SLC1A7: variants seen among roughly 807,000 people sequenced by gnomAD.
SLC1A7 encodes excitatory amino acid transporter 5.
Under a neutral mutation model 47.7 loss-of-function variants are expected in SLC1A7, and 40 were observed. That is an observed-to-expected ratio of 0.84 (90% CI 0.65 to 1.09). The LOEUF (loss-of-function observed/expected upper bound fraction) is 1.09. Ranked by LOEUF, SLC1A7 falls within the 50% of genes least tolerant of loss-of-function variation. SLC1A7 has a pLI of 0.00. For synonymous variants in SLC1A7, 323 were observed against 325.6 expected, an observed-to-expected ratio of 0.99 and a Z score of 0.09; for missense variants, 746 against 769.5, an observed-to-expected ratio of 0.97 and a Z score of 0.36.
intron 3 of SLC1A7, 134 bp from the exon 4 acceptor site, chr1:53,105,908 A>G: frequency 1.4e-6 from 1 of 719,160 alleles, no homozygotes; most frequent in African/African-American, 1.8e-5. Context: ...CTGCAGTCTC[A>G]CCCACTACAT....
At chr1:53,093,310 A>G (rs1644446489) in intron 6 of SLC1A7, 151 bp downstream of exon 6, 1 of 659,598 alleles carries the variant, frequency 1.5e-6, no homozygotes, top group Non-Finnish European at 2.6e-6. Context: ...TGGGGGACCC[A>G]TGGAAACACA....
chr1:53,090,423 T>A, intron 8 of SLC1A7, 189 bp downstream of exon 8: 1 of 924,010 alleles, frequency 1.1e-6, no homozygotes, highest in Non-Finnish European at 1.6e-6. Context: ...CCGCTCGCCC[T>A]GTGGCCACCA....
At chr1:53,101,682 A>T (rs1055339793) in intron 5 of SLC1A7, among the ~76,000 whole-genome samples, 33 of 145,458 alleles carry the variant, frequency 2.3e-4, no homozygotes, top group African/African-American at 8.6e-4. Flanking sequence ...ACACTCACAA[A>T]CCATGTCTCG....
Position 53,089,899 on chromosome 1 carries a change from C to T in SLC1A7, c.1262G>A (p.Gly421Asp). 6.2e-7 allele frequency: 1 copy of T among 1,613,620 alleles called. No homozygotes were observed. Among genetic ancestry groups the T allele is most frequent in the Non-Finnish European group, 8.5e-7 (1 of 1,179,906 alleles). ...TATAASIGAA[G>D]IPQAGLVTMV... ...GGTGACGAGGCCGGCCTGGGGGATGCCAGCTGCCCCAATGCTGGCTGCAGT... is the reference window on the plus strand; with the variant it reads ...GGTGACGAGGCCGGCCTGGGGGATGTCAGCTGCCCCAATGCTGGCTGCAGT... Residue 421 changes from glycine to aspartate, a missense_variant, in exon 9 of 11, where the codon GGC becomes GAC. Physicochemically the swap from Gly to Asp is moderately conservative, Grantham distance 94 (BLOSUM62 -1). Coordinates refer to ENST00000371494, the MANE Select transcript of SLC1A7 (RefSeq NM_006671.6).
At position 53,105,739 on chromosome 1, in the gene SLC1A7, A is replaced by G; in HGVS notation, c.467T>C (p.Phe156Ser). ...MFPANLVEATFKQYRTKTTPV... is the reference protein window; with the variant it reads ...MFPANLVEATSKQYRTKTTPV... ...GCCCAGAGACTCACTCACCTGTTTG[A>G]ATGTGGCTTCTACTAGGTTGGCTGG... The change falls in exon 4 of 11, where the codon TTC becomes TCC. Residue 156 changes from phenylalanine to serine, a missense_variant. Physicochemically the swap from Phe to Ser is radical, Grantham distance 155. Transcript: ENST00000371494. The G allele has an allele frequency of 6.2e-7, 1 of 1,612,788 alleles. No homozygotes were observed. The highest frequency in any genetic ancestry group is 2.2e-5 in the East Asian group (1 of 44,828).
At chr1:53,089,709 G>T in intron 9 of SLC1A7, 91 bp downstream of exon 9, 1 of 1,392,642 alleles carries the variant, frequency 7.2e-7, no homozygotes, top group Non-Finnish European at 1.0e-6. Flanking sequence ...CTTCTACCCT[G>T]GGGAAGGGAC....
Position 53,105,855 on chromosome 1 carries a change from G to A in SLC1A7, c.432-81C>T, listed in dbSNP as rs186876175. 6.1e-6 allele frequency: 7 copies of A among 1,149,390 alleles called. No homozygotes were observed. The Admixed American group carries it at 1.2e-4, about 20-fold the overall frequency. The allele number at this position is 1,149,390 out of a possible 1,614,324, so 71.2% of individuals were successfully genotyped here. A position where few individuals can be genotyped will look rare whatever the true frequency, so the allele number is the denominator to read the frequency against. On this transcript the variant is annotated intron_variant, in intron 3 of 10. Coordinates refer to ENST00000371494, the MANE Select transcript of SLC1A7 (RefSeq NM_006671.6). ...GGGGTTGTGGCCTTGGGGTCATCTGGACATCTCCTTTGGTGGTCGGGCCTT... is the reference window on the plus strand; with the variant it reads ...GGGGTTGTGGCCTTGGGGTCATCTGAACATCTCCTTTGGTGGTCGGGCCTT...
rs774218957 is a variant in SLC1A7, at chr1:53,134,371, A to T, written c.194T>A (p.Ile65Asn). ...ELLMRMLKMM[I>N]LPLVVSSLMS... is the part of the protein sequence containing the mutation. ...TCACCTGGAGACCACCAGTGGCAGG[A>T]TCATCATCTTCAGCATCCTCATCAG... is the stretch of plus-strand genomic sequence containing the variant. Residue 65 changes from isoleucine (I) to asparagine (N), a missense_variant, in exon 2 of 11, where the codon ATC becomes AAC. Ile to Asn is a moderately radical substitution (Grantham distance 149). Coordinates refer to ENST00000371494, the MANE Select transcript of SLC1A7 (RefSeq NM_006671.6). 1.9e-6 allele frequency: 3 copies of T among 1,613,304 alleles called. No homozygotes were observed. The highest frequency in any genetic ancestry group is 1.7e-6 in the Non-Finnish European group (2 of 1,179,624).
At chr1:53,113,535 T>G (rs1644721797) in intron 3 of SLC1A7, among the ~76,000 whole-genome samples, 1 of 151,938 alleles carries the variant, frequency 6.6e-6, no homozygotes, top group Non-Finnish European at 1.5e-5. Context: ...CACCTCCTAC[T>G]CACCCACCTC....
chr1:53,135,608 C>T (rs1460143099), intron 1 of SLC1A7, among the ~76,000 whole-genome samples: 2 of 152,114 alleles, frequency 1.3e-5, no homozygotes, highest in Non-Finnish European at 2.9e-5. Context: ...TGACCAGGAC[C>T]TGACAACTGA....
chr1:53,115,246 G>A (rs1572330915), intron 2 of SLC1A7: 1 of 549,630 alleles, frequency 1.8e-6, no homozygotes, highest in South Asian at 2.3e-5. Context: ...TGGGATGGTG[G>A]GGACACTGTT....
chr1:53,108,784 C>A, intron 3 of SLC1A7: 1 of 640,084 alleles, frequency 1.6e-6, no homozygotes, highest in Non-Finnish European at 2.8e-6. Flanking sequence ...CACTTCTGGA[C>A]TGTTCTTCAG....
rs780676640 is a variant in SLC1A7 at position 53,092,539 on chromosome 1, C to G, written c.1031+15G>C. On this transcript the variant is annotated intron_variant, in intron 7 of 10. Transcript: ENST00000371494. ...CCTCCCAGCTCCCCACCGTCCTGCC[C>G]GTCCCCGGGGCTACCTGGAGGAGGT... is the stretch of plus-strand genomic sequence containing the variant. 1.3e-6 allele frequency: 2 copies of G among 1,592,210 alleles called. No individual in the cohort carries two copies. The highest frequency in any genetic ancestry group is 2.2e-5 in the East Asian group (1 of 44,702).
intron 2 of SLC1A7, among the ~76,000 whole-genome samples, chr1:53,119,374 G>A (rs926625852): frequency 3.9e-5 from 6 of 152,096 alleles, no homozygotes; most frequent in African/African-American, 1.4e-4. Context: ...TTTGAAACAG[G>A]GTTTCACTCT....
chr1:53,120,147 G>A (rs1394723185), intron 2 of SLC1A7, among the ~76,000 whole-genome samples: 1 of 152,160 alleles, frequency 6.6e-6, no homozygotes, highest in African/African-American at 2.4e-5. Flanking sequence ...TGCAGGGGTG[G>A]GGGAAGGGAG....
intron 1 of SLC1A7, among the ~76,000 whole-genome samples, chr1:53,141,414 C>T (rs2150349881): frequency 6.6e-6 from 1 of 152,146 alleles, no homozygotes; most frequent in African/African-American, 2.4e-5. Flanking sequence ...GATAACTACC[C>T]CCCTACCACA....
chr1:53,137,227 C>T (rs1470425035), intron 1 of SLC1A7, among the ~76,000 whole-genome samples: 1 of 146,542 alleles, frequency 6.8e-6, no homozygotes, highest in Non-Finnish European at 1.5e-5. Flanking sequence ...GCGGGGATTG[C>T]AGTGAGCTAA....
At chr1:53,136,893 C>T (rs1645006394) in intron 1 of SLC1A7, among the ~76,000 whole-genome samples, 1 of 151,754 alleles carries the variant, frequency 6.6e-6, no homozygotes, top group Admixed American at 6.6e-5. Flanking sequence ...TCTCAAACTC[C>T]TGGACTCAAA....
At chr1:53,107,354 A>AAAAAGGAC (rs952749283) in intron 3 of SLC1A7, among the ~76,000 whole-genome samples, 2 of 152,116 alleles carry the variant, frequency 1.3e-5, no homozygotes, top group Non-Finnish European at 2.9e-5. Context: ...TGCAACAGAG[A>AAAAAGGAC]AAAAGGACAT....
Sources: gnomAD v4.1 joint callset for allele counts (sites outside exome capture counted in the v4.1 genomes callset) on GRCh38, gnomAD v4.1.1 for gene constraint, MANE v1.5 for transcripts, NCBI Gene and HGNC (gene_info 2026-07-23, HGNC 2026-07-21) for gene names.